Variants in ELOVL7 observed in about 807,000 individuals in gnomAD.
The protein encoded by ELOVL7 is very long chain fatty acid elongase 7.
In ELOVL7, 27 loss-of-function variants were observed where a neutral mutation model predicts 35.7. That is an observed-to-expected ratio of 0.76 (90% CI 0.56 to 1.04). ELOVL7 has a LOEUF of 1.04. Ranked by LOEUF, ELOVL7 falls within the 50% of genes least tolerant of loss-of-function variation. The pLI is 0.00. For missense variants in ELOVL7, 327 were observed against 340.8 expected, an observed-to-expected ratio of 0.96 and a Z score of 0.32; for synonymous variants, 113 against 114.6, an observed-to-expected ratio of 0.99 and a Z score of 0.09.
chr5:60,804,341 G>A (rs989043004), intron 1 of ELOVL7, among the ~76,000 whole-genome samples: 1 of 152,002 alleles, frequency 6.6e-6, no homozygotes, highest in African/African-American at 2.4e-5. Flanking sequence ...GGAGAGACAG[G>A]GCAAACTTAG....
chr5:60,826,989 C>CT (rs1746205865), intron 1 of ELOVL7, among the ~76,000 whole-genome samples: 1 of 152,124 alleles, frequency 6.6e-6, no homozygotes, highest in African/African-American at 2.4e-5. Context: ...TCTCAATTCT[C>CT]TTTAACAAAT....
At chr5:60,840,102 C>T (rs1436982937) in intron 1 of ELOVL7, among the ~76,000 whole-genome samples, 2 of 152,170 alleles carry the variant, frequency 1.3e-5, no homozygotes, top group African/African-American at 2.4e-5. Context: ...ATCCTACTTT[C>T]TCAATTTGCC....
In ELOVL7 at chr5:60,808,675, G is replaced by GT. The variant is rs200162033; in HGVS notation, c.-85-9446dup. ...TTCATTCCAAAACTTGTACATGAATGTTTATAGTGACTTTATTCATAGTCA... is the reference window on the plus strand; with the variant it reads ...TTCATTCCAAAACTTGTACATGAATGTTTTATAGTGACTTTATTCATAGTCA... On this transcript the variant is annotated intron_variant, in intron 1 of 8. Transcript: ENST00000508821. Among the ~76,000 whole-genome samples, 942 of 152,270 alleles carry GT rather than the reference G, an allele frequency of 6.2e-3. 6 individuals carry two copies. Among genetic ancestry groups the GT allele is most frequent in the African/African-American group, 0.021 (882 of 41,538 alleles).
At chr5:60,791,237 A>G (rs541848837) in intron 2 of ELOVL7, among the ~76,000 whole-genome samples, 2 of 152,212 alleles carry the variant, frequency 1.3e-5, no homozygotes, top group Non-Finnish European at 2.9e-5. Context: ...TCAGCCTCCC[A>G]AAGTGCTGGG....
chr5:60,793,453 A>G (rs911814027), intron 2 of ELOVL7, among the ~76,000 whole-genome samples: 4 of 152,146 alleles, frequency 2.6e-5, no homozygotes, highest in Admixed American at 2.6e-4. Context: ...CTTAAAGTAA[A>G]ATCAAGTAGA....
chr5:60,809,664 G>A (rs1745135281), intron 1 of ELOVL7, among the ~76,000 whole-genome samples: 1 of 152,216 alleles, frequency 6.6e-6, no homozygotes, highest in African/African-American at 2.4e-5. Context: ...AGAAAAGTTG[G>A]TGGAAGAGGA....
chr5:60,776,243 G>C (rs536111764), intron 3 of ELOVL7, among the ~76,000 whole-genome samples: 1 of 152,292 alleles, frequency 6.6e-6, no homozygotes, highest in African/African-American at 2.4e-5. Context: ...AAGTTGTTGA[G>C]GCTGTGGAGA....
intron 6 of ELOVL7, 96 bp from the exon 7 acceptor site, chr5:60,764,428 T>A (rs1044250562): frequency 1.4e-5 from 13 of 934,956 alleles, no homozygotes; most frequent in Admixed American, 4.5e-5. Context: ...GTATTTCATA[T>A]CATAATTTCC....
intron 1 of ELOVL7, among the ~76,000 whole-genome samples, chr5:60,814,706 CTGTAGAGGAAG>C (rs1162804884): frequency 1.3e-5 from 2 of 152,146 alleles, no homozygotes; most frequent in Non-Finnish European, 2.9e-5. Context: ...AGTTACTAAG[CTGTAGAGGAAG>C]TGTTCAAAGT....
At chr5:60,807,130 G>A (rs1214431541) in intron 1 of ELOVL7, among the ~76,000 whole-genome samples, 2 of 152,032 alleles carry the variant, frequency 1.3e-5, no homozygotes, top group Non-Finnish European at 2.9e-5. Flanking sequence ...CCTCACATCG[G>A]AGGAGAAGCA....
intron 1 of ELOVL7, among the ~76,000 whole-genome samples, chr5:60,842,696 G>C (rs1262112696): frequency 6.6e-6 from 1 of 152,126 alleles, no homozygotes; most frequent in African/African-American, 2.4e-5. Flanking sequence ...TCCAGTGCTG[G>C]AGACAGAACC....
At chr5:60,770,242 C>T (rs4273559) in intron 4 of ELOVL7, among the ~76,000 whole-genome samples, 41,782 of 151,984 alleles carry the variant, frequency 0.27, 9,558 homozygotes, top group African/African-American at 0.63. Context: ...AGCTGACTGG[C>T]GATGACTGGA....
At chr5:60,780,938 C>T (rs963394427) in intron 3 of ELOVL7, among the ~76,000 whole-genome samples, 1 of 152,168 alleles carries the variant, frequency 6.6e-6, no homozygotes, top group African/African-American at 2.4e-5. Flanking sequence ...TGGCCAGGCG[C>T]CATGGCTCAC....
chr5:60,807,129 G>A (rs1022034259), intron 1 of ELOVL7, among the ~76,000 whole-genome samples: 1 of 152,068 alleles, frequency 6.6e-6, no homozygotes, highest in Admixed American at 6.5e-5. Flanking sequence ...ACCTCACATC[G>A]GAGGAGAAGC....
intron 1 of ELOVL7, among the ~76,000 whole-genome samples, chr5:60,842,375 T>G (rs997793951): frequency 1.5e-4 from 23 of 151,752 alleles, no homozygotes; most frequent in African/African-American, 5.6e-4. Flanking sequence ...AAGCGGAATA[T>G]TATAATGTGC....
In ELOVL7 at chr5:60,752,538, G is replaced by A. The variant is rs1741329097; in HGVS notation, c.*2086C>T. 1 of 152,620 alleles carries A rather than the reference G, an allele frequency of 6.6e-6. No homozygotes were observed. The highest frequency in any genetic ancestry group is 1.5e-5 in the Non-Finnish European group (1 of 68,036). 9.5% of individuals were successfully genotyped at this position (152,620 alleles called of 1,614,324 possible). ...TACCTTCTCATTTTAGCACAGGTTAGATATGAAGAGCCAAACCTGGAAAAC... is the reference window on the plus strand; with the variant it reads ...TACCTTCTCATTTTAGCACAGGTTAAATATGAAGAGCCAAACCTGGAAAAC... On this transcript the variant is annotated 3_prime_UTR_variant, in exon 9 of 9. Coordinates refer to ENST00000508821, the MANE Select transcript of ELOVL7 (RefSeq NM_024930.3).
intron 1 of ELOVL7, among the ~76,000 whole-genome samples, chr5:60,837,562 G>T (rs1746901559): frequency 6.6e-6 from 1 of 152,190 alleles, no homozygotes; most frequent in Non-Finnish European, 1.5e-5. Context: ...GCAGCCTTGA[G>T]TATCCTGTAA....
intron 3 of ELOVL7, chr5:60,784,019 T>C (rs1265237444): frequency 1.4e-6 from 1 of 737,720 alleles, no homozygotes; most frequent in Non-Finnish European, 2.4e-6. Context: ...AAAGTTCTGA[T>C]TTATTACTAG....
chr5:60,809,742 G>A (rs1181173711), intron 1 of ELOVL7, among the ~76,000 whole-genome samples: 1 of 152,070 alleles, frequency 6.6e-6, no homozygotes, highest in African/African-American at 2.4e-5. Flanking sequence ...CAGGAAATCA[G>A]AAAAAAAGTA....
Sources: gnomAD v4.1 joint callset for allele counts (sites outside exome capture counted in the v4.1 genomes callset) on GRCh38, gnomAD v4.1.1 for gene constraint, MANE v1.5 for transcripts, NCBI Gene and HGNC (gene_info 2026-07-23, HGNC 2026-07-21) for gene names.